ATP9B: variants seen among roughly 807,000 people sequenced by gnomAD.
ATP9B encodes ATPase phospholipid transporting 9B.
Under a neutral mutation model 146.1 loss-of-function variants are expected in ATP9B, and 110 were observed. That is an observed-to-expected ratio of 0.75 (90% CI 0.65 to 0.88). The LOEUF (loss-of-function observed/expected upper bound fraction) is 0.88, where lower values mean the gene tolerates loss of function less well. Ranked by LOEUF, ATP9B falls within the 40% of genes least tolerant of loss-of-function variation. ATP9B has a pLI of 0.00. For missense variants in ATP9B, 1,499 were observed against 1,496.4 expected, an observed-to-expected ratio of 1.00 and a Z score of -0.03; for synonymous variants, 604 against 569.7, an observed-to-expected ratio of 1.06 and a Z score of -0.86.
At chr18:79,090,943 T>G (rs1224029630) in intron 1 of ATP9B, among the ~76,000 whole-genome samples, 3 of 152,214 alleles carry the variant, frequency 2.0e-5, no homozygotes, top group Non-Finnish European at 4.4e-5. Flanking sequence ...TAATGTGTTT[T>G]AATTTGATTT....
intron 13 of ATP9B, among the ~76,000 whole-genome samples, chr18:79,285,082 C>T (rs537944351): frequency 1.3e-5 from 2 of 151,372 alleles, no homozygotes; most frequent in South Asian, 2.1e-4. Flanking sequence ...AATAAACATA[C>T]GTGTGCATGT....
At chr18:79,347,426 G>C (rs1056006846) in intron 23 of ATP9B, among the ~76,000 whole-genome samples, 2 of 150,188 alleles carry the variant, frequency 1.3e-5, no homozygotes, top group South Asian at 2.1e-4. Context: ...TCAGATCATA[G>C]GGGTGTCTTC....
intron 11 of ATP9B, among the ~76,000 whole-genome samples, chr18:79,229,851 A>C (rs961903912): frequency 2.6e-5 from 4 of 152,206 alleles, no homozygotes; most frequent in African/African-American, 9.7e-5. Flanking sequence ...GAACATTTTA[A>C]AGTATCTGTG....
At chr18:79,118,390 G>GGTTTTTTTTTTTTTTTTTTTTTTTTT (rs1555689295) in intron 4 of ATP9B, among the ~76,000 whole-genome samples, 3 of 93,238 alleles carry the variant, frequency 3.2e-5, no homozygotes, top group Non-Finnish European at 4.3e-5. Context: ...GAACGTTTTT[G>GGTTTTTTTTTTTTTTTTTTTTTTTTT]TTTTTTTTTT....
At position 79,272,853 on chromosome 18, in the gene ATP9B, C is replaced by A. The variant is rs1170782246; in HGVS notation, c.1269-4201C>A. 2.0e-5 allele frequency among the ~76,000 whole-genome samples: 3 copies of A among 152,198 alleles called. No homozygotes were observed. The East Asian group carries it at 5.8e-4, about 29-fold the overall frequency. On this transcript the variant is annotated intron_variant, in intron 12 of 29. Transcript: ENST00000426216. ...TGCTGTTCCCGAGGCTCAGAAAAAT[C>A]AAGTCTGTCATTGGTCTAAGAAGGT... is the stretch of plus-strand genomic sequence containing the variant.
chr18:79,336,201 G>A (rs1360425109), intron 17 of ATP9B, among the ~76,000 whole-genome samples: 1 of 139,372 alleles, frequency 7.2e-6, no homozygotes, highest in East Asian at 2.1e-4. Context: ...CCCCTCGCCT[G>A]TCCCCAGCAC....
chr18:79,240,861 G>A (rs752474254), intron 11 of ATP9B, among the ~76,000 whole-genome samples: 5 of 152,248 alleles, frequency 3.3e-5, no homozygotes, highest in East Asian at 1.9e-4. Flanking sequence ...TGGCAGTGTC[G>A]GGCCAAGGAT....
At position 79,342,292 on chromosome 18, in the gene ATP9B, C is replaced by G; in HGVS notation, c.2308C>G (p.Leu770Val). The G allele has an allele frequency of 6.2e-7, 1 of 1,613,608 alleles. No individual in the cohort carries two copies. Among genetic ancestry groups the G allele is most frequent in the Non-Finnish European group, 8.5e-7 (1 of 1,179,674 alleles). Residue 770 changes from leucine to valine, a missense_variant, in exon 20 of 30, where the codon CTC becomes GTC. Coordinates refer to ENST00000426216, the MANE Select transcript of ATP9B (RefSeq NM_198531.5). ...IKIWMLTGDKLETATCIAKSS... is the reference protein window; with the variant it reads ...IKIWMLTGDKVETATCIAKSS... The stretch of plus-strand genomic sequence containing the variant: ...GATATGGATGCTAACAGGCGATAAA[C>G]TCGAGACAGCTACCTGCATTGCCAA...
intron 1 of ATP9B, among the ~76,000 whole-genome samples, chr18:79,089,349 C>T (rs2074119817): frequency 6.6e-6 from 1 of 152,186 alleles, no homozygotes; most frequent in Non-Finnish European, 1.5e-5. Flanking sequence ...TAAAATTAAA[C>T]CCCTTCCTGT....
chr18:79,306,615 G>A (rs992628271), intron 14 of ATP9B, among the ~76,000 whole-genome samples: 6 of 152,220 alleles, frequency 3.9e-5, no homozygotes, highest in Admixed American at 6.5e-5. Flanking sequence ...GAAAGCAGTT[G>A]TGAGTATACC....
At chr18:79,373,785 G>T (rs995382446) in intron 27 of ATP9B, 113 bp from the exon 28 acceptor site, 124 of 1,091,794 alleles carry the variant, frequency 1.1e-4, no homozygotes, top group Admixed American at 9.8e-5. Flanking sequence ...TGCTGCGCCT[G>T]GCCTATCCCC....
chr18:79,371,483 C>T (rs1201898120), intron 26 of ATP9B, among the ~76,000 whole-genome samples: 1 of 151,788 alleles, frequency 6.6e-6, no homozygotes, highest in African/African-American at 2.4e-5. Context: ...TCAGCATCTT[C>T]ACACACTGAC....
In ATP9B at chr18:79,214,000, A is replaced by T. The variant is rs1291481246; in HGVS notation, c.1069A>T (p.Thr357Ser). Residue 357 changes from threonine to serine, a missense_variant, in exon 11 of 30, where the codon ACT (threonine) becomes TCT (serine). Transcript: ENST00000426216. ...IGVVIYTGKE[T>S]RSVMNTSNPK... ...TGTTGTCATTTATACCGGAAAAGAG[A>T]CTCGAAGTGTAATGAACACATCCAA... 1.9e-6 allele frequency: 3 copies of T among 1,606,860 alleles called. No homozygotes were observed. The African/African-American group carries it at 4.0e-5, about 22-fold the overall frequency.
intron 4 of ATP9B, among the ~76,000 whole-genome samples, chr18:79,118,084 C>A (rs1404718519): frequency 6.6e-6 from 1 of 152,138 alleles, no homozygotes; most frequent in Non-Finnish European, 1.5e-5. Context: ...AAATATACCA[C>A]AACTGATTCA....
intron 2 of ATP9B, 142 bp from the exon 3 acceptor site, chr18:79,110,213 C>A: frequency 1.4e-6 from 1 of 733,990 alleles, no homozygotes; most frequent in Non-Finnish European, 1.9e-6. Context: ...ATAAGAAAAA[C>A]CCCACAAATT....
intron 4 of ATP9B, among the ~76,000 whole-genome samples, chr18:79,124,495 G>C (rs1185427962): frequency 6.6e-6 from 1 of 152,200 alleles, no homozygotes; most frequent in Non-Finnish European, 1.5e-5. Flanking sequence ...TTGCAGATGG[G>C]GCACATCACA....
At chr18:79,344,015 A>C in intron 20 of ATP9B, 1 of 553,362 alleles carries the variant, frequency 1.8e-6, no homozygotes, top group South Asian at 2.1e-5. Flanking sequence ...TGCATTCCTC[A>C]CTATACGTTT....
intron 8 of ATP9B, among the ~76,000 whole-genome samples, chr18:79,184,121 C>T (rs551003680): frequency 6.6e-6 from 1 of 151,880 alleles, no homozygotes; most frequent in African/African-American, 2.4e-5. Flanking sequence ...TGTCTTGTAC[C>T]AGGAGGCTGT....
chr18:79,361,646 G>C (rs529026975), intron 26 of ATP9B: 9 of 318,632 alleles, frequency 2.8e-5, no homozygotes, highest in African/African-American at 1.8e-4. Flanking sequence ...AAAGAAAATA[G>C]CACTAAAGTA....
Sources: allele counts gnomAD v4.1 joint callset (sites outside exome capture counted in the v4.1 genomes callset), GRCh38; gene constraint gnomAD v4.1.1; transcripts MANE v1.5; gene names NCBI Gene and HGNC (gene_info 2026-07-23, HGNC 2026-07-21).